EXOC6B: variants seen among roughly 807,000 people sequenced by gnomAD.
EXOC6B encodes exocyst complex component 6B, also known as SEC15 homolog B.
EXOC6B carries 54 observed loss-of-function variants against 113.5 expected under a neutral mutation model. The observed-to-expected ratio is 0.48, with a 90% CI of 0.38 to 0.60. EXOC6B has a LOEUF of 0.60. Ranked by LOEUF, EXOC6B falls within the 20% of genes least tolerant of loss-of-function variation. The pLI is 0.00. For missense variants in EXOC6B, 797 were observed against 977.5 expected (o/e 0.82, Z 2.46); for synonymous variants, 357 against 339.0 (o/e 1.05, Z -0.58).
Position 72,737,736 on chromosome 2 carries a change from C to T in EXOC6B, c.279+3568G>A, listed in dbSNP as rs138234799. Among the ~76,000 whole-genome samples the T allele has an allele frequency of 4.8e-3, 727 of 152,038 alleles. 5 individuals are homozygous for T. Among genetic ancestry groups the T allele is most frequent in the African/African-American group, 0.016 (669 of 41,448 alleles). On this transcript the variant is annotated intron_variant, in intron 2 of 21. Coordinates refer to ENST00000272427, the MANE Select transcript of EXOC6B (RefSeq NM_015189.3). ...AGGCATGGTGGTGCACCTGTAATTC[C>T]AGCTATTTGGGAGGCTGAGGAAGGA...
intron 20 of EXOC6B, among the ~76,000 whole-genome samples, chr2:72,205,917 C>G (rs1363834275): frequency 6.6e-6 from 1 of 152,158 alleles, no homozygotes; most frequent in African/African-American, 2.4e-5. Flanking sequence ...AAGTCAATCT[C>G]TGGTCCCCAG....
chr2:72,718,163 T>C lies in EXOC6B; in HGVS notation c.609A>G (p.Lys203=). Residue 203 remains lysine (K), a synonymous_variant, in exon 6 of 22, where the codon AAA becomes AAG. Coordinates refer to ENST00000272427, the MANE Select transcript of EXOC6B (RefSeq NM_015189.3). Reference sequence around the variant, plus strand: ...GTTTGCGGATGCTCTCCAGAAAGTCTTTGAGATCGGACATAGAAACATCTT... The same window carrying C: ...GTTTGCGGATGCTCTCCAGAAAGTCCTTGAGATCGGACATAGAAACATCTT... The part of the protein sequence containing the change: ...EIKDVSMSDL[K]DFLESIRKHS... 6.2e-7 allele frequency: 1 copy of C among 1,613,846 alleles called. No individual in the cohort carries two copies. Among genetic ancestry groups the C allele is most frequent in the Non-Finnish European group, 8.5e-7 (1 of 1,179,784 alleles).
At chr2:72,225,358 T>C (rs1465596230) in intron 20 of EXOC6B, among the ~76,000 whole-genome samples, 2 of 152,104 alleles carry the variant, frequency 1.3e-5, no homozygotes, top group South Asian at 2.1e-4. Flanking sequence ...ATGTGTCAGG[T>C]ATTGGGCTAA....
intron 1 of EXOC6B, among the ~76,000 whole-genome samples, chr2:72,752,374 G>A (rs372268421): frequency 6.6e-6 from 1 of 151,928 alleles, no homozygotes; most frequent in Non-Finnish European, 1.5e-5. Flanking sequence ...CTCCAGGAAG[G>A]TTATTCCATC....
At chr2:72,490,427 T>C (rs926660348) in intron 16 of EXOC6B, among the ~76,000 whole-genome samples, 13 of 152,136 alleles carry the variant, frequency 8.5e-5, no homozygotes, top group African/African-American at 2.7e-4. Context: ...ATGTTACCTA[T>C]TATGATGATG....
In EXOC6B at chr2:72,621,775, C is replaced by T. The variant is rs141361420; in HGVS notation, c.670-46107G>A. On this transcript the variant is annotated intron_variant, in intron 6 of 21. Transcript: ENST00000272427. ...TACATTAATACAGATGAATCAGATA[C>T]ATATAGAATAATCAATAAAATCATG... Among the ~76,000 whole-genome samples, 1,279 of 152,116 alleles carry T rather than the reference C, an allele frequency of 8.4e-3. 10 individuals are homozygous for T. Among genetic ancestry groups the T allele is most frequent in the South Asian group, 0.023 (112 of 4,820 alleles).
chr2:72,262,700 G>A (rs1683811290), intron 20 of EXOC6B, among the ~76,000 whole-genome samples: 1 of 151,370 alleles, frequency 6.6e-6, no homozygotes, highest in African/African-American at 2.4e-5. Context: ...ACAGCATTCT[G>A]GTTTCATACT....
At chr2:72,669,126 T>C (rs1376127676) in intron 6 of EXOC6B, among the ~76,000 whole-genome samples, 2 of 151,744 alleles carry the variant, frequency 1.3e-5, no homozygotes, top group Non-Finnish European at 2.9e-5. Flanking sequence ...ATTCTATTAG[T>C]TTAAAGAAAC....
intron 20 of EXOC6B, among the ~76,000 whole-genome samples, chr2:72,274,455 C>T (rs1292806631): frequency 6.6e-6 from 1 of 152,074 alleles, no homozygotes; most frequent in African/African-American, 2.4e-5. Flanking sequence ...AGTGAAATGA[C>T]ATTTACTTGA....
intron 5 of EXOC6B, among the ~76,000 whole-genome samples, chr2:72,721,364 T>TAAAAAAAA (rs11408155): frequency 7.0e-5 from 2 of 28,494 alleles, no homozygotes; most frequent in African/African-American, 2.3e-4. Flanking sequence ...GTTGTTTTTG[T>TAAAAAAAA]AAAAAAAAAA....
chr2:72,259,741 A>G, intron 20 of EXOC6B, among the ~76,000 whole-genome samples: 1 of 152,108 alleles, frequency 6.6e-6, no homozygotes, highest in East Asian at 1.9e-4. Flanking sequence ...GCCATGCTGG[A>G]TTTTTTGCTT....
intron 6 of EXOC6B, among the ~76,000 whole-genome samples, chr2:72,708,250 C>A (rs1176902346): frequency 6.6e-6 from 1 of 152,076 alleles, no homozygotes; most frequent in Non-Finnish European, 1.5e-5. Flanking sequence ...GGAAAAATAG[C>A]AATGACATGT....
At chr2:72,633,890 A>G (rs954453881) in intron 6 of EXOC6B, among the ~76,000 whole-genome samples, 1 of 152,224 alleles carries the variant, frequency 6.6e-6, no homozygotes, top group Non-Finnish European at 1.5e-5. Flanking sequence ...TATGAAGTAA[A>G]AGTTAACAGT....
intron 11 of EXOC6B, among the ~76,000 whole-genome samples, chr2:72,505,989 C>T (rs532766281): frequency 1.3e-5 from 2 of 152,040 alleles, no homozygotes; most frequent in South Asian, 4.2e-4. Flanking sequence ...GAAACTCAAC[C>T]AAATATATTA....
intron 1 of EXOC6B, among the ~76,000 whole-genome samples, chr2:72,815,984 T>C (rs1395798949): frequency 6.6e-6 from 1 of 151,914 alleles, no homozygotes; most frequent in Non-Finnish European, 1.5e-5. Flanking sequence ...TATGGTGAAA[T>C]CCCTTCTCTA....
intron 1 of EXOC6B, among the ~76,000 whole-genome samples, chr2:72,748,383 G>A (rs569481951): frequency 6.6e-6 from 1 of 152,166 alleles, no homozygotes; most frequent in South Asian, 2.1e-4. Context: ...GATGTTGAAA[G>A]AGAAACTGCA....
At chr2:72,371,277 T>C (rs559925641) in intron 19 of EXOC6B, among the ~76,000 whole-genome samples, 1 of 152,136 alleles carries the variant, frequency 6.6e-6, no homozygotes, top group African/African-American at 2.4e-5. Context: ...AAAGAAGAAC[T>C]AATACTAATC....
intron 1 of EXOC6B, among the ~76,000 whole-genome samples, chr2:72,807,037 T>C (rs577360862): frequency 6.6e-4 from 100 of 152,332 alleles, no homozygotes; most frequent in African/African-American, 2.3e-3. Context: ...TTAGGTCTTA[T>C]TTGTCAATTT....
chr2:72,712,047 C>T (rs907498223), intron 6 of EXOC6B, among the ~76,000 whole-genome samples: 4 of 152,058 alleles, frequency 2.6e-5, no homozygotes, highest in African/African-American at 7.2e-5. Context: ...TTTGAAACTC[C>T]TCCTCAGATT....
Sources: gnomAD v4.1 joint callset for allele counts (sites outside exome capture counted in the v4.1 genomes callset) on GRCh38, gnomAD v4.1.1 for gene constraint, MANE v1.5 for transcripts, NCBI Gene and HGNC (gene_info 2026-07-23, HGNC 2026-07-21) for gene names.